The following CTNNA3 variants were observed in gnomAD, a reference collection of about 807,000 sequenced individuals.
CTNNA3 encodes catenin alpha-3.
CTNNA3 carries 76 observed loss-of-function variants against 95.7 expected under a neutral mutation model. The ratio of observed to expected loss-of-function variants is 0.79; its 90% confidence interval spans 0.66 to 0.96. The LOEUF (loss-of-function observed/expected upper bound fraction) is 0.96. CTNNA3 is among the 40% of genes least tolerant of loss of function. CTNNA3 has a pLI of 0.00. For synonymous variants in CTNNA3, 431 were observed against 374.4 expected, an observed-to-expected ratio of 1.15 and a Z score of -1.74; for missense variants, 1,191 against 1,089.8, an observed-to-expected ratio of 1.09 and a Z score of -1.31.
intron 11 of CTNNA3, among the ~76,000 whole-genome samples, chr10:66,419,083 T>C (rs1184408234): frequency 1.3e-5 from 2 of 152,096 alleles, no homozygotes; most frequent in East Asian, 3.9e-4. Flanking sequence ...AGTCAAATTG[T>C]CCCTCTTTGC....
chr10:66,403,425 C>A (rs796730333), intron 11 of CTNNA3, among the ~76,000 whole-genome samples: 1 of 152,106 alleles, frequency 6.6e-6, no homozygotes, highest in African/African-American at 2.4e-5. Context: ...AAAATCATGG[C>A]GGAAGGTGAA....
chr10:66,794,934 T>G lies in CTNNA3; in HGVS notation c.1048-19410A>C, dbSNP rs189769825. ...AAGCAACTCCTCATCTGTCAAAGTT[T>G]TATCCTAAGATTGTTATAATTCAGT... On this transcript the variant is annotated intron_variant, in intron 7 of 17. Transcript: ENST00000433211. 1.5e-3 allele frequency among the ~76,000 whole-genome samples: 221 copies of G among 152,296 alleles called. 1 individual carries two copies. The highest frequency in any genetic ancestry group is 5.1e-3 in the African/African-American group (214 of 41,574).
intron 5 of CTNNA3, among the ~76,000 whole-genome samples, chr10:67,444,139 G>A (rs960642684): frequency 5.3e-5 from 8 of 152,050 alleles, no homozygotes; most frequent in African/African-American, 9.7e-5. Flanking sequence ...CAGATCATAT[G>A]TTAGGTCCCA....
chr10:66,677,857 C>T (rs10997295), intron 9 of CTNNA3, among the ~76,000 whole-genome samples: 36,970 of 152,022 alleles, frequency 0.24, 5,685 homozygotes, highest in East Asian at 0.56. Context: ...ATCTTCCTAT[C>T]AACTTGGGTC....
rs909218168 is a variant in CTNNA3 at position 65,918,540 on chromosome 10, T to C, written c.*1790A>G. ...TTTGCCTCAATCATCTAGATAATTCTGAAAAACAGAGTCATCTGAATTCCC... is the reference window on the plus strand; with the variant it reads ...TTTGCCTCAATCATCTAGATAATTCCGAAAAACAGAGTCATCTGAATTCCC... On this transcript the variant is annotated 3_prime_UTR_variant, in exon 18 of 18. Coordinates refer to ENST00000433211, the MANE Select transcript of CTNNA3 (RefSeq NM_013266.4). 1.3e-5 allele frequency: 2 copies of C among 152,190 alleles called. No individual in the cohort carries two copies. The highest frequency in any genetic ancestry group is 2.9e-5 in the Non-Finnish European group (2 of 68,030). 9.4% of individuals were successfully genotyped at this position (152,190 alleles called of 1,614,324 possible).
upstream of CTNNA3, among the ~76,000 whole-genome samples, chr10:67,697,072 A>G (rs1264182457): frequency 6.6e-6 from 1 of 152,242 alleles, no homozygotes; most frequent in East Asian, 1.9e-4. Context: ...CAGGGAGCCA[A>G]GAGGAAAGGC....
intron 9 of CTNNA3, among the ~76,000 whole-genome samples, chr10:66,679,998 G>A (rs987884573): frequency 1.5e-4 from 23 of 152,014 alleles, no homozygotes; most frequent in African/African-American, 5.1e-4. Flanking sequence ...TATTAATGGT[G>A]AGCAGTATCT....
chr10:67,231,039 CG>C (rs748740274), intron 5 of CTNNA3, among the ~76,000 whole-genome samples: 11 of 152,312 alleles, frequency 7.2e-5, no homozygotes, highest in Non-Finnish European at 1.2e-4. Flanking sequence ...CACCGAGTCT[CG>C]CTGATTGCTA....
intron 13 of CTNNA3, among the ~76,000 whole-genome samples, chr10:66,206,574 A>G (rs67960726): frequency 0.042 from 6,383 of 152,020 alleles, 165 homozygotes; most frequent in African/African-American, 0.047. Flanking sequence ...AACACAAGGG[A>G]ATGAAATTCA....
chr10:66,696,489 C>A (rs1847768948), intron 9 of CTNNA3, among the ~76,000 whole-genome samples: 1 of 152,138 alleles, frequency 6.6e-6, no homozygotes, highest in South Asian at 2.1e-4. Context: ...TTAAAGTGAA[C>A]TAACTTATTC....
intron 5 of CTNNA3, among the ~76,000 whole-genome samples, chr10:67,346,263 C>T (rs1589194352): frequency 1.3e-5 from 2 of 152,172 alleles, no homozygotes; most frequent in South Asian, 4.1e-4. Flanking sequence ...GTAGTTTATG[C>T]ACCACAATTA....
chr10:67,536,294 AAGCAAAAC>A (rs1840484099), intron 4 of CTNNA3, among the ~76,000 whole-genome samples: 1 of 152,106 alleles, frequency 6.6e-6, no homozygotes, highest in African/African-American at 2.4e-5. Context: ...TTGCTCCAGA[AAGCAAAAC>A]TAGACGCACT....
intron 5 of CTNNA3, among the ~76,000 whole-genome samples, chr10:67,515,562 G>A (rs544022095): frequency 6.6e-6 from 1 of 152,258 alleles, no homozygotes; most frequent in South Asian, 2.1e-4. Flanking sequence ...AATGATGTCT[G>A]AAATGCTTTG....
intron 5 of CTNNA3, among the ~76,000 whole-genome samples, chr10:67,514,915 A>G (rs1418720802): frequency 6.6e-6 from 1 of 152,204 alleles, no homozygotes; most frequent in Non-Finnish European, 1.5e-5. Context: ...AAAATCAGCT[A>G]ACGCTTGACT....
chr10:66,836,799 C>A (rs1018416074), intron 7 of CTNNA3, among the ~76,000 whole-genome samples: 1 of 152,068 alleles, frequency 6.6e-6, no homozygotes, highest in Admixed American at 6.6e-5. Flanking sequence ...TCCATTTGAA[C>A]CTCTACTAAA....
At chr10:67,675,797 A>G (rs912057361) in intron 1 of CTNNA3, among the ~76,000 whole-genome samples, 5 of 152,132 alleles carry the variant, frequency 3.3e-5, no homozygotes, top group African/African-American at 1.2e-4. Context: ...GAATGTAAAC[A>G]TACCCTGTCA....
chr10:66,723,217 G>T (rs1848682162), intron 9 of CTNNA3, among the ~76,000 whole-genome samples: 1 of 152,078 alleles, frequency 6.6e-6, no homozygotes. Context: ...CTCTCTTTAT[G>T]CAGGCTATGA....
At chr10:66,803,100 A>T (rs1319461282) in intron 7 of CTNNA3, among the ~76,000 whole-genome samples, 1 of 152,036 alleles carries the variant, frequency 6.6e-6, no homozygotes, top group Non-Finnish European at 1.5e-5. Flanking sequence ...CTCTGCATTT[A>T]ATTTAAACAT....
intron 7 of CTNNA3, among the ~76,000 whole-genome samples, chr10:66,932,117 C>T (rs1329517505): frequency 6.6e-6 from 1 of 152,114 alleles, no homozygotes; most frequent in East Asian, 1.9e-4. Context: ...CTCCCTCCCC[C>T]TTTTCAGCCA....
Sources: gnomAD v4.1 joint callset for allele counts (sites outside exome capture counted in the v4.1 genomes callset) on GRCh38, gnomAD v4.1.1 for gene constraint, MANE v1.5 for transcripts, NCBI Gene and HGNC (gene_info 2026-07-23, HGNC 2026-07-21) for gene names.